The following LIN52 variants were observed in gnomAD, a reference collection of about 807,000 sequenced individuals.
The protein encoded by LIN52 is protein lin-52 homolog.
LIN52 carries 4 observed loss-of-function variants against 18.5 expected under a neutral mutation model. The ratio of observed to expected loss-of-function variants is 0.22; its 90% CI spans 0.11 to 0.49. LIN52 has a LOEUF of 0.49. Among genes scored for constraint, LIN52 ranks in the 20% least tolerant of loss-of-function variants. LIN52 has a pLI of 0.97. For missense variants in LIN52, 102 were observed against 139.5 expected (o/e 0.73, Z 1.35); for synonymous variants, 34 against 45.5 (o/e 0.75, Z 1.02).
intron 5 of LIN52, among the ~76,000 whole-genome samples, chr14:74,123,363 A>G (rs2061010297): frequency 6.6e-6 from 1 of 152,168 alleles, no homozygotes; most frequent in Non-Finnish European, 1.5e-5. Context: ...ATATATTGGG[A>G]TTGGGAAGTC....
chr14:74,099,920 G>A (rs1180193565), intron 4 of LIN52, among the ~76,000 whole-genome samples: 1 of 152,208 alleles, frequency 6.6e-6, no homozygotes, highest in Non-Finnish European at 1.5e-5. Context: ...TTGCAGAATT[G>A]TAACTGTGAT....
chr14:74,142,147 A>T (rs1057448522), intron 5 of LIN52, among the ~76,000 whole-genome samples: 9 of 152,184 alleles, frequency 5.9e-5, no homozygotes, highest in Non-Finnish European at 1.0e-4. Context: ...CTGTATGCAA[A>T]TTGAATGGTA....
chr14:74,088,620 G>C (rs938530416), intron 1 of LIN52, among the ~76,000 whole-genome samples: 1 of 152,156 alleles, frequency 6.6e-6, no homozygotes, highest in Non-Finnish European at 1.5e-5. Context: ...TGTATTAGTT[G>C]AGTTCTTTAC....
At chr14:74,177,757 ATGTTGTTTTTATTTTGTT>A (rs1431121557) in intron 5 of LIN52, among the ~76,000 whole-genome samples, 1 of 152,050 alleles carries the variant, frequency 6.6e-6, no homozygotes, top group Non-Finnish European at 1.5e-5. Context: ...TACCTCTGTT[ATGTTGTTTTTATTTTGTT>A]TGTTGGTTTA....
In LIN52 at chr14:74,148,440, G is replaced by T. The variant is rs557538639; in HGVS notation, c.283+47202G>T. Among the ~76,000 whole-genome samples, 9 of 152,220 alleles carry T rather than the reference G, an allele frequency of 5.9e-5. No individual in the cohort carries two copies. In the South Asian group the frequency reaches 1.9e-3, roughly 32 times the overall value. ...GACAAGGCAAATGTATAAAAAGTTT[G>T]ATCACAGTACAAGAGAGCATGTACT... On this transcript the variant is annotated intron_variant, in intron 5 of 5. Transcript: ENST00000555028.
At chr14:74,122,410 A>G (rs924507695) in intron 5 of LIN52, among the ~76,000 whole-genome samples, 3 of 152,192 alleles carry the variant, frequency 2.0e-5, no homozygotes, top group Admixed American at 1.3e-4. Context: ...GCAAGTGTGT[A>G]ATGTTAACAG....
At chr14:74,143,560 A>G (rs968411198) in intron 5 of LIN52, among the ~76,000 whole-genome samples, 8 of 152,144 alleles carry the variant, frequency 5.3e-5, no homozygotes, top group African/African-American at 1.9e-4. Flanking sequence ...CTGTCTCCAC[A>G]TAGTCCGCCA....
intron 4 of LIN52, among the ~76,000 whole-genome samples, chr14:74,099,025 T>C (rs2060836039): frequency 6.6e-6 from 1 of 152,208 alleles, no homozygotes. Flanking sequence ...GTAGTGAATA[T>C]TGTTGTTTGA....
At chr14:74,124,637 C>A (rs147992417) in intron 5 of LIN52, among the ~76,000 whole-genome samples, 1 of 151,460 alleles carries the variant, frequency 6.6e-6, no homozygotes. Flanking sequence ...ATGATGAAAC[C>A]CCATCTCTGC....
chr14:74,125,313 G>A (rs2061022828), intron 5 of LIN52, among the ~76,000 whole-genome samples: 1 of 152,188 alleles, frequency 6.6e-6, no homozygotes, highest in Non-Finnish European at 1.5e-5. Flanking sequence ...CATTCTAACT[G>A]GTGTGAGATG....
intron 5 of LIN52, among the ~76,000 whole-genome samples, chr14:74,181,760 A>C (rs1349129606): frequency 6.6e-6 from 1 of 152,224 alleles, no homozygotes; most frequent in Non-Finnish European, 1.5e-5. Flanking sequence ...AGAAACATCA[A>C]TATCAAATAT....
chr14:74,108,730 T>C (rs2060911234), intron 5 of LIN52, among the ~76,000 whole-genome samples: 1 of 152,172 alleles, frequency 6.6e-6, no homozygotes, highest in African/African-American at 2.4e-5. Context: ...GTAAATTGTA[T>C]TGTTTGTGTT....
chr14:74,157,529 T>C (rs1011621228), intron 5 of LIN52, among the ~76,000 whole-genome samples: 1 of 151,928 alleles, frequency 6.6e-6, no homozygotes, highest in African/African-American at 2.4e-5. Context: ...TGCAGTGGTG[T>C]GAACTTGGCC....
At chr14:74,134,789 T>C (rs2061088533) in intron 5 of LIN52, among the ~76,000 whole-genome samples, 1 of 152,196 alleles carries the variant, frequency 6.6e-6, no homozygotes, top group Non-Finnish European at 1.5e-5. Flanking sequence ...CTGCTTAAGG[T>C]GGTGTGCCCA....
chr14:74,164,910 T>C (rs1196773361), intron 5 of LIN52, among the ~76,000 whole-genome samples: 2 of 152,164 alleles, frequency 1.3e-5, no homozygotes, highest in Non-Finnish European at 2.9e-5. Flanking sequence ...AGGCAATGAA[T>C]GGAAGGCAAC....
intron 5 of LIN52, among the ~76,000 whole-genome samples, chr14:74,118,714 G>T (rs1315870589): frequency 6.6e-6 from 1 of 152,122 alleles, no homozygotes; most frequent in Non-Finnish European, 1.5e-5. Flanking sequence ...GTCAAGGCTG[G>T]AGTGAACCAA....
intron 5 of LIN52, among the ~76,000 whole-genome samples, chr14:74,182,187 T>A (rs1260556831): frequency 1.8e-4 from 27 of 152,124 alleles, no homozygotes; most frequent in Admixed American, 1.8e-3. Flanking sequence ...ATTCTTTGTA[T>A]TTTTTGTGGA....
intron 3 of LIN52, among the ~76,000 whole-genome samples, chr14:74,097,425 CTTTTTTTT>C (rs35249058): frequency 7.5e-6 from 1 of 133,556 alleles, no homozygotes; most frequent in Non-Finnish European, 1.6e-5. Context: ...TTTTCTTTTT[CTTTTTTTT>C]TTTTTTTTTT....
intron 5 of LIN52, among the ~76,000 whole-genome samples, chr14:74,113,312 A>G (rs1396555811): frequency 2.0e-5 from 3 of 152,098 alleles, no homozygotes; most frequent in Admixed American, 2.0e-4. Flanking sequence ...GAATGACTTG[A>G]ATCTGGGAGG....
Sources: allele counts gnomAD v4.1 joint callset (sites outside exome capture counted in the v4.1 genomes callset), GRCh38; gene constraint gnomAD v4.1.1; transcripts MANE v1.5; gene names NCBI Gene and HGNC (gene_info 2026-07-23, HGNC 2026-07-21).